Variants in TTLL8 observed in about 807,000 individuals in gnomAD.
TTLL8 encodes protein monoglycylase TTLL8.
Under a neutral mutation model 77.8 loss-of-function variants are expected in TTLL8, and 65 were observed. The observed-to-expected ratio is 0.84, with a 90% CI of 0.68 to 1.03. The LOEUF is 1.03. Among genes scored for constraint, TTLL8 ranks in the 50% least tolerant of loss-of-function variants. The pLI, the probability that TTLL8 is intolerant of heterozygous loss-of-function variation, is 0.00. For missense variants in TTLL8, 910 were observed against 1,004.5 expected, an observed-to-expected ratio of 0.91 and a Z score of 1.27; for synonymous variants, 402 against 422.8, an observed-to-expected ratio of 0.95 and a Z score of 0.60.
intron 8 of TTLL8, among the ~76,000 whole-genome samples, chr22:50,036,608 T>C (rs879634713): frequency 1.9e-4 from 29 of 151,636 alleles, no homozygotes; most frequent in Middle Eastern, 3.4e-3. Flanking sequence ...TTTTCTTTTT[T>C]TTTTTTTTTA....
chr22:50,043,698 G>A (rs1033282685), intron 6 of TTLL8, among the ~76,000 whole-genome samples: 3 of 152,158 alleles, frequency 2.0e-5, no homozygotes, highest in Admixed American at 1.3e-4. Context: ...AAAGAAAAGC[G>A]CTCTCAAGCC....
chr22:50,030,526 A>G lies in TTLL8; in HGVS notation c.2107T>C (p.Trp703Arg), dbSNP rs370023739. 1.1e-5 allele frequency: 15 copies of G among 1,331,838 alleles called. No homozygotes were observed. In the African/African-American group the frequency reaches 2.1e-4, roughly 19 times the overall value. 82.5% of individuals were successfully genotyped at this position (1,331,838 alleles called of 1,614,324 possible). The change falls in exon 12 of 14, where the codon TGG becomes CGG. Residue 703 changes from tryptophan to arginine, a missense_variant. Physicochemically the swap from Trp to Arg is moderately radical, Grantham distance 101. Transcript: ENST00000266182. ...TGCGCATTTAGCTGGTTTGGATCCC[A>G]GCTTTTGGCGGGCTGGGCTACGGGG...
At chr22:50,028,837 A>G (rs55874634) in intron 12 of TTLL8, among the ~76,000 whole-genome samples, 2 of 9,610 alleles carry the variant, frequency 2.1e-4, no homozygotes, top group Non-Finnish European at 3.2e-4. Context: ...ACGCTGTCCT[A>G]AAGACCCCCA....
chr22:50,031,535 G>C, intron 11 of TTLL8, 151 bp downstream of exon 12: 1 of 1,180,390 alleles, frequency 8.5e-7, no homozygotes, highest in Non-Finnish European at 1.1e-6. Flanking sequence ...GGCCCTCAGC[G>C]GGACCGAGCA....
upstream of TTLL8, among the ~76,000 whole-genome samples, chr22:50,055,999 G>T (rs1303858586): frequency 6.6e-6 from 1 of 152,202 alleles, no homozygotes; most frequent in Non-Finnish European, 1.5e-5. Flanking sequence ...TTGCTGTAAA[G>T]CTGGCCACGA....
In TTLL8 at chr22:50,048,020, C is replaced by T. The variant is rs182946597; in HGVS notation, c.265-724G>A. On this transcript the variant is annotated intron_variant, in intron 3 of 13. Transcript: ENST00000266182. ...GCTGAGGCAGGAGAATCACTTGAAC[C>T]CAGGAGGCAGAGGTTGCAGTGAGCC... 1.5e-3 allele frequency among the ~76,000 whole-genome samples: 228 copies of T among 152,126 alleles called. 4 individuals are homozygous for T. Among genetic ancestry groups the T allele is most frequent in the Middle Eastern group, 0.01 (3 of 294 alleles).
At chr22:50,050,185 C>T (rs2061436724) in exon 2 of TTLL8, 2 of 1,365,050 alleles carry the variant, frequency 1.5e-6, no homozygotes, top group South Asian at 2.3e-5. Flanking sequence ...CTACCCAGCC[C>T]TTCCTTCGCA....
intron 6 of TTLL8, among the ~76,000 whole-genome samples, chr22:50,043,866 G>A (rs758471812): frequency 7.2e-5 from 11 of 152,238 alleles, no homozygotes; most frequent in Non-Finnish European, 1.3e-4. Context: ...GCTCGGGGGC[G>A]GGGGGATGAA....
intron 12 of TTLL8, 33 bp downstream of exon 13, chr22:50,030,397 A>G (rs1308572112): frequency 4.7e-6 from 6 of 1,283,432 alleles, no homozygotes; most frequent in Non-Finnish European, 5.0e-6. Flanking sequence ...GCGGCCCCCA[A>G]GCCCACAGCG....
In TTLL8 at chr22:50,050,224, GTAGA is replaced by G; in HGVS notation, c.71_74del (p.Ile24ThrfsTer17). On this transcript the variant is annotated frameshift_variant, in exon 2 of 14. Coordinates refer to ENST00000266182, the Ensembl canonical transcript of TTLL8. LOFTEE classifies it high-confidence loss of function. ...CGGCCCGGACCACCGGGTAGTGTCC[GTAGA>G]TAGAGAAAATCTTCTTCTCCTAAAA... 7.4e-7 allele frequency: 1 copy of G among 1,342,452 alleles called. No homozygotes were observed. The highest frequency in any genetic ancestry group is 9.9e-7 in the Non-Finnish European group (1 of 1,010,236). The allele number at this position is 1,342,452 out of a possible 1,614,324, so 83.2% of individuals were successfully genotyped here.
intron 11 of TTLL8, 56 bp from the exon 13 acceptor site, chr22:50,030,981 CTGCAGGAGGGGTCTG>C (rs1264805610): frequency 4.5e-5 from 58 of 1,284,648 alleles, no homozygotes; most frequent in Non-Finnish European, 5.7e-5. Context: ...GGGGGGGTCC[CTGCAGGAGGGGTCTG>C]TGCAGGAGGG....
intron 10 of TTLL8, 76 bp downstream of exon 11, chr22:50,033,126 C>T (rs2061309457): frequency 1.6e-6 from 2 of 1,264,476 alleles, no homozygotes; most frequent in Non-Finnish European, 2.1e-6. Flanking sequence ...TGCTGCTTCT[C>T]ACTGCGGCTG....
chr22:50,036,044 T>C (rs2061334081), intron 8 of TTLL8, among the ~76,000 whole-genome samples: 1 of 152,174 alleles, frequency 6.6e-6, no homozygotes, highest in Non-Finnish European at 1.5e-5. Flanking sequence ...AACCATGAGA[T>C]GCACATCCCA....
At chr22:50,023,365 A>G (rs1378310786) in intron 12 of TTLL8, among the ~76,000 whole-genome samples, 2 of 152,234 alleles carry the variant, frequency 1.3e-5, no homozygotes, top group African/African-American at 2.4e-5. Context: ...CACAATCTCA[A>G]TAAACATCCC....
At chr22:50,030,786 G>A (rs116119917) in exon 12 of TTLL8, 1 of 1,348,664 alleles carries the variant, frequency 7.4e-7, no homozygotes, top group Non-Finnish European at 9.9e-7. Flanking sequence ...GGGGCCCCGT[G>A]CCTTCAGCGG....
At chr22:50,028,562 G>A (rs982459364) in intron 12 of TTLL8, among the ~76,000 whole-genome samples, 17 of 150,754 alleles carry the variant, frequency 1.1e-4, no homozygotes, top group East Asian at 1.9e-4. Context: ...CAACACCTGC[G>A]TGCCGTCATA....
intron 2 of TTLL8, 54 bp from the exon 5 acceptor site, chr22:50,049,376 G>T: frequency 7.3e-7 from 1 of 1,363,996 alleles, no homozygotes; most frequent in Non-Finnish European, 9.8e-7. Context: ...CAGACTTCCC[G>T]CACCGGGTCC....
At chr22:50,026,972 G>A (rs1012685746) in intron 12 of TTLL8, among the ~76,000 whole-genome samples, 10 of 152,306 alleles carry the variant, frequency 6.6e-5, no homozygotes, top group Admixed American at 5.2e-4. Flanking sequence ...GGTGGCTCAC[G>A]CCTGTAATCC....
chr22:50,045,856 C>G (rs1216118950), exon 5 of TTLL8: 1 of 1,346,348 alleles, frequency 7.4e-7, no homozygotes, highest in Non-Finnish European at 9.9e-7. Flanking sequence ...CCTCACTTAC[C>G]CAGGAACTCC....
Sources: allele counts gnomAD v4.1 joint callset (sites outside exome capture counted in the v4.1 genomes callset), GRCh38; gene constraint gnomAD v4.1.1; transcripts MANE v1.5; gene names NCBI Gene and HGNC (gene_info 2026-07-23, HGNC 2026-07-21).